Variants in PCDHGA10 observed in about 807,000 individuals in gnomAD.
The protein encoded by PCDHGA10 is protocadherin gamma subfamily A, 10.
PCDHGA10 carries 42 observed loss-of-function variants against 59.5 expected under a neutral mutation model. The observed-to-expected ratio is 0.71, with a 90% CI of 0.55 to 0.91. The LOEUF is 0.91. Among genes scored for constraint, PCDHGA10 ranks in the 40% least tolerant of loss-of-function variants. The pLI is 0.00. For synonymous variants in PCDHGA10, 511 were observed against 517.2 expected, an observed-to-expected ratio of 0.99 and a Z score of 0.16; for missense variants, 1,111 against 1,198.2, an observed-to-expected ratio of 0.93 and a Z score of 1.07.
Position 141,512,040 on chromosome 5 carries a change from A to G in PCDHGA10, c.*867A>G, listed in dbSNP as rs775766584. 1.3e-5 allele frequency: 2 copies of G among 152,838 alleles called. No homozygotes were observed. The highest frequency in any genetic ancestry group is 2.9e-5 in the Non-Finnish European group (2 of 68,198). 9.5% of individuals were successfully genotyped at this position (152,838 alleles called of 1,614,324 possible). A position where few individuals can be genotyped will look rare whatever the true frequency, so the allele number is the denominator to read the frequency against. ...ATCAAGGCCTTGGAGGAGGCTCTGT[A>G]TGTCCTCAGGGGACTGACAACATCC... On this transcript the variant is annotated 3_prime_UTR_variant, in exon 4 of 4. Coordinates refer to ENST00000398610, the MANE Select transcript of PCDHGA10 (RefSeq NM_018913.3).
intron 1 of PCDHGA10, among the ~76,000 whole-genome samples, chr5:141,482,652 G>C (rs1276348234): frequency 6.6e-6 from 1 of 152,074 alleles, no homozygotes; most frequent in African/African-American, 2.4e-5. Flanking sequence ...GGTGATGCTT[G>C]AGCTATGATC....
At chr5:141,470,552 T>G (rs1303190360) in intron 1 of PCDHGA10, among the ~76,000 whole-genome samples, 1 of 151,966 alleles carries the variant, frequency 6.6e-6, no homozygotes, top group East Asian at 1.9e-4. Flanking sequence ...TTATTGAGAG[T>G]TTCCTCTGTG....
At chr5:141,492,506 C>T (rs2154587372) in intron 1 of PCDHGA10, among the ~76,000 whole-genome samples, 2 of 152,318 alleles carry the variant, frequency 1.3e-5, no homozygotes, top group South Asian at 4.1e-4. Context: ...ACTCCGGAGC[C>T]TCCTCTCACC....
At chr5:141,441,404 C>T (rs1231257776) in intron 1 of PCDHGA10, 1 of 155,262 alleles carries the variant, frequency 6.4e-6, no homozygotes, top group Admixed American at 6.5e-5. Context: ...ATCAGCATCA[C>T]TGCCACTGAC....
rs1317150359 is a variant in PCDHGA10 at position 141,420,381 on chromosome 5, G to A, written c.2436+4770G>A. On this transcript the variant is annotated intron_variant, in intron 1 of 3. Transcript: ENST00000398610. ...TCTAGATAACTTCTTCATAGAGTTC[G>A]CAAAATATAGGTCAAATTTATGGTT... The A allele has an allele frequency of 1.1e-5, 14 of 1,298,362 alleles. No homozygotes were observed. In the Admixed American group the frequency reaches 1.3e-4, roughly 13 times the overall value. The allele number at this position is 1,298,362 out of a possible 1,614,324, so 80.4% of individuals were successfully genotyped here.
chr5:141,452,133 A>C (rs2098734490), intron 1 of PCDHGA10, among the ~76,000 whole-genome samples: 1 of 152,136 alleles, frequency 6.6e-6, no homozygotes, highest in Admixed American at 6.5e-5. Flanking sequence ...TATATGGCTC[A>C]TGTGTTTTTT....
At chr5:141,456,309 A>T (rs1305324857) in intron 1 of PCDHGA10, among the ~76,000 whole-genome samples, 1 of 152,138 alleles carries the variant, frequency 6.6e-6, no homozygotes, top group Non-Finnish European at 1.5e-5. Flanking sequence ...AACAGCAGCT[A>T]GGGCTCCTCC....
At chr5:141,449,349 G>C (rs191322076) in intron 1 of PCDHGA10, among the ~76,000 whole-genome samples, 2 of 152,074 alleles carry the variant, frequency 1.3e-5, no homozygotes, top group African/African-American at 4.8e-5. Flanking sequence ...GCTCACTCCT[G>C]TAATCCCAGC....
At chr5:141,497,776 C>A (rs1384125562) in intron 2 of PCDHGA10, among the ~76,000 whole-genome samples, 2 of 152,170 alleles carry the variant, frequency 1.3e-5, no homozygotes. Flanking sequence ...CCGACCTCAA[C>A]TGATCCACCT....
chr5:141,488,565 C>A (rs1308485284), intron 1 of PCDHGA10, among the ~76,000 whole-genome samples: 1 of 152,174 alleles, frequency 6.6e-6, no homozygotes, highest in Non-Finnish European at 1.5e-5. Flanking sequence ...GAGATTTCCG[C>A]AAAGCATTGC....
In PCDHGA10 at chr5:141,414,161, GA is replaced by G. The variant is rs1351073953; in HGVS notation, c.987del (p.Ala330HisfsTer9). 1 of 1,603,276 alleles carries G rather than the reference GA, an allele frequency of 6.2e-7. No individual in the cohort carries two copies. Among genetic ancestry groups the G allele is most frequent in the Admixed American group, 1.7e-5 (1 of 57,962 alleles). On this transcript the variant is annotated frameshift_variant, in exon 1 of 4. Transcript: ENST00000398610. LOFTEE classifies it high-confidence loss of function. ...ATAGAAATACAAGCAGAAGATGGAG[GA>G]GCATATCTTGCAACTGCAAAAGTGT... ...YEIEIQAEDG[G>X]AYLATAKVLI...
intron 1 of PCDHGA10, among the ~76,000 whole-genome samples, chr5:141,483,575 A>G (rs1165739266): frequency 6.6e-6 from 1 of 152,194 alleles, no homozygotes; most frequent in Non-Finnish European, 1.5e-5. Flanking sequence ...GAATTCTGGC[A>G]TAAACACCTA....
chr5:141,427,915 T>C lies in PCDHGA10; in HGVS notation c.2436+12304T>C, dbSNP rs779333176. ...GGCTCGCCCGCGCTCAGCGCCAACATGAGCCGGCGCATGTTGGTGGGCGAC... is the reference window on the plus strand; with the variant it reads ...GGCTCGCCCGCGCTCAGCGCCAACACGAGCCGGCGCATGTTGGTGGGCGAC... On this transcript the variant is annotated intron_variant, in intron 1 of 3. Transcript: ENST00000398610. The C allele has an allele frequency of 7.0e-6, 11 of 1,578,094 alleles. No individual in the cohort carries two copies. In the Admixed American group the frequency reaches 8.4e-5, roughly 12 times the overall value.
chr5:141,419,479 C>A, intron 1 of PCDHGA10: 2 of 1,612,390 alleles, frequency 1.2e-6, no homozygotes, highest in Non-Finnish European at 1.7e-6. Flanking sequence ...AGGGCTCGCC[C>A]GCGCTCAGCG....
intron 1 of PCDHGA10, chr5:141,441,337 T>A (rs980210130): frequency 6.6e-6 from 1 of 152,112 alleles, no homozygotes; most frequent in African/African-American, 2.4e-5. Flanking sequence ...CTCCAATAAT[T>A]AACTACATGC....
rs1471863168 is a variant in PCDHGA10, at chr5:141,476,550, G to A, written c.2437-18257G>A. ...ACCCAGGAAATGAAATTGGAGATTA[G>A]CGAGGCCGTGGCTCCGGGGACGCGC... On this transcript the variant is annotated intron_variant, in intron 1 of 3. Transcript: ENST00000398610. The surrounding 1 kb of genome is among the most constrained non-coding windows in gnomAD (Gnocchi z 7.6). 1.2e-6 allele frequency: 2 copies of A among 1,614,110 alleles called. No individual in the cohort carries two copies. The highest frequency in any genetic ancestry group is 4.5e-5 in the East Asian group (2 of 44,884).
At chr5:141,422,576 C>T in intron 1 of PCDHGA10, 1 of 1,614,034 alleles carries the variant, frequency 6.2e-7, no homozygotes, top group South Asian at 1.1e-5. Context: ...AACGATAACC[C>T]TCCCGTTTTT....
intron 1 of PCDHGA10, among the ~76,000 whole-genome samples, chr5:141,457,906 T>G (rs1272656638): frequency 6.7e-6 from 1 of 150,040 alleles, no homozygotes; most frequent in Admixed American, 6.6e-5. Flanking sequence ...AGACAAGGTG[T>G]GAGGCCAGTT....
At chr5:141,467,846 A>G (rs984687278) in intron 1 of PCDHGA10, among the ~76,000 whole-genome samples, 2 of 151,926 alleles carry the variant, frequency 1.3e-5, no homozygotes, top group Non-Finnish European at 2.9e-5. Context: ...TTTTTGTAGA[A>G]TGAGATTTCA....
Sources: gnomAD v4.1 joint callset for allele counts (sites outside exome capture counted in the v4.1 genomes callset) on GRCh38, gnomAD v4.1.1 for gene constraint, Gnocchi (gnomAD v3.1) non-coding constraint, MANE v1.5 for transcripts, NCBI Gene and HGNC (gene_info 2026-07-23, HGNC 2026-07-21) for gene names.